Variants in MCPH1 observed in about 807,000 individuals in gnomAD.
MCPH1 encodes microcephalin.
In MCPH1, 104 loss-of-function variants were observed where a neutral mutation model predicts 84.5. The ratio of observed to expected loss-of-function variants is 1.23; its 90% confidence interval spans 1.05 to 1.45. The LOEUF (loss-of-function observed/expected upper bound fraction) is 1.45. MCPH1 is among the 40% of genes most tolerant of loss of function. The probability of loss-of-function intolerance (pLI) is 0.00; values close to 1 mark genes in which losing one functional copy is unlikely to be tolerated. For synonymous variants in MCPH1, 514 were observed against 366.8 expected, an observed-to-expected ratio of 1.40 and a Z score of -4.58; for missense variants, 1,498 against 1,005.7, an observed-to-expected ratio of 1.49 and a Z score of -6.62.
At chr8:6,550,011 G>A (rs559461624) in intron 12 of MCPH1, among the ~76,000 whole-genome samples, 1 of 152,204 alleles carries the variant, frequency 6.6e-6, no homozygotes, top group Non-Finnish European at 1.5e-5. Flanking sequence ...GTGATCATTC[G>A]GGGACGGGGG....
chr8:6,614,727 T>G (rs1025738131), intron 12 of MCPH1, among the ~76,000 whole-genome samples: 14 of 152,346 alleles, frequency 9.2e-5, no homozygotes, highest in Admixed American at 8.5e-4. Flanking sequence ...CCTCAAAACC[T>G]CGACAGCTGA....
intron 12 of MCPH1, among the ~76,000 whole-genome samples, chr8:6,511,159 G>A (rs1036448653): frequency 1.1e-4 from 16 of 152,154 alleles, no homozygotes; most frequent in African/African-American, 3.1e-4. Flanking sequence ...TATTTTTTAT[G>A]AGTCTCTGTT....
At chr8:6,593,723 G>A (rs1259938399) in intron 12 of MCPH1, among the ~76,000 whole-genome samples, 1 of 152,158 alleles carries the variant, frequency 6.6e-6, no homozygotes, top group Non-Finnish European at 1.5e-5. Flanking sequence ...CTTATAAATA[G>A]AGCTTTGAAG....
At chr8:6,509,988 G>C (rs1028946109) in intron 12 of MCPH1, among the ~76,000 whole-genome samples, 5 of 152,128 alleles carry the variant, frequency 3.3e-5, no homozygotes, top group Non-Finnish European at 7.4e-5. Flanking sequence ...AAATCCCAAA[G>C]TGTAGTTTCT....
At chr8:6,506,401 C>T (rs1206925974) in intron 12 of MCPH1, among the ~76,000 whole-genome samples, 1 of 152,086 alleles carries the variant, frequency 6.6e-6, no homozygotes, top group East Asian at 1.9e-4. Flanking sequence ...TTTCCAATTA[C>T]ATTCTCAGTC....
intron 12 of MCPH1, among the ~76,000 whole-genome samples, chr8:6,561,094 A>G (rs1825466926): frequency 1.3e-5 from 2 of 152,238 alleles, no homozygotes; most frequent in South Asian, 4.1e-4. Flanking sequence ...TTTAGGATAT[A>G]GTTTGCCTTC....
At chr8:6,638,504 C>T (rs2129583393) in intron 13 of MCPH1, among the ~76,000 whole-genome samples, 1 of 151,722 alleles carries the variant, frequency 6.6e-6, no homozygotes, top group Admixed American at 6.6e-5. Flanking sequence ...TAAGACCACA[C>T]AGAGCCATGG....
At chr8:6,445,598 G>C (rs1414238535) in intron 8 of MCPH1, 51 bp downstream of exon 8, 1 of 1,524,840 alleles carries the variant, frequency 6.6e-7, no homozygotes, top group Non-Finnish European at 8.8e-7. Context: ...ACATGTAACA[G>C]TGCATCCATA....
chr8:6,633,446 T>C (rs1267794652), intron 13 of MCPH1, among the ~76,000 whole-genome samples: 1 of 152,218 alleles, frequency 6.6e-6, no homozygotes, highest in African/African-American at 2.4e-5. Flanking sequence ...GCTAGCCATG[T>C]AATACAGGTT....
At position 6,505,275 on chromosome 8, in the gene MCPH1, T is replaced by G. The variant is rs377313407; in HGVS notation, c.2214+5346T>G. 3.5e-3 allele frequency among the ~76,000 whole-genome samples: 96 copies of G among 27,060 alleles called. 8 individuals carry two copies. Among genetic ancestry groups the G allele is most frequent in the African/African-American group, 0.012 (68 of 5,888 alleles). 17.8% of individuals were successfully genotyped at this position (27,060 alleles called of 152,430 possible). On this transcript the variant is annotated intron_variant, in intron 12 of 13. Transcript: ENST00000344683. Reference sequence around the variant, plus strand: ...TTTATATATGTTTTATATATATGTATACATATATATGTTATATACATATAT... The same window carrying G: ...TTTATATATGTTTTATATATATGTAGACATATATATGTTATATACATATAT...
In MCPH1 at chr8:6,517,076, A is replaced by G. The variant is rs191801939; in HGVS notation, c.2214+17147A>G. On this transcript the variant is annotated intron_variant, in intron 12 of 13. Transcript: ENST00000344683. ...TAATTGGACTATAAAACTTGCAGAG[A>G]AAGATAGTGTTCAAATAGAGTTATC... Among the ~76,000 whole-genome samples, 79 of 152,342 alleles carry G rather than the reference A, an allele frequency of 5.2e-4. 1 individual carries two copies. The highest frequency in any genetic ancestry group is 6.5e-5 in the Admixed American group (1 of 15,296).
intron 8 of MCPH1, among the ~76,000 whole-genome samples, chr8:6,452,070 T>C (rs1805158586): frequency 6.6e-6 from 1 of 152,204 alleles, no homozygotes; most frequent in African/African-American, 2.4e-5. Context: ...AAGCCAAGTT[T>C]CTCCTACAGT....
chr8:6,580,873 C>G (rs1395174084), intron 12 of MCPH1, among the ~76,000 whole-genome samples: 2 of 152,172 alleles, frequency 1.3e-5, no homozygotes, highest in Non-Finnish European at 1.5e-5. Flanking sequence ...GTTACTGATT[C>G]ATAGTCAATG....
At chr8:6,520,084 A>C in intron 12 of MCPH1, 1 of 1,450,588 alleles carries the variant, frequency 6.9e-7, no homozygotes. Context: ...GAGTTTTATT[A>C]CTTTGGAATT....
intron 12 of MCPH1, among the ~76,000 whole-genome samples, chr8:6,556,098 C>CA (rs1450607297): frequency 1.3e-5 from 2 of 152,084 alleles, no homozygotes; most frequent in Non-Finnish European, 2.9e-5. Flanking sequence ...GAATTGCTGC[C>CA]AAGACTAACC....
chr8:6,525,255 G>A (rs1818119638), intron 12 of MCPH1, among the ~76,000 whole-genome samples: 1 of 152,120 alleles, frequency 6.6e-6, no homozygotes, highest in African/African-American at 2.4e-5. Context: ...CCTGATCGTT[G>A]TAAATTAGTA....
At chr8:6,598,044 G>C (rs904383021) in intron 12 of MCPH1, among the ~76,000 whole-genome samples, 1 of 152,192 alleles carries the variant, frequency 6.6e-6, no homozygotes. Context: ...GCCAACATCA[G>C]CTCAGCGGGC....
At chr8:6,413,338 T>G (rs934258083) in intron 2 of MCPH1, among the ~76,000 whole-genome samples, 5 of 151,918 alleles carry the variant, frequency 3.3e-5, no homozygotes, top group African/African-American at 4.8e-5. Context: ...ATTTTTCCCT[T>G]TCGCCAACCA....
chr8:6,480,103 T>C (rs1477934690), intron 10 of MCPH1, among the ~76,000 whole-genome samples: 1 of 151,590 alleles, frequency 6.6e-6, no homozygotes, highest in East Asian at 1.9e-4. Context: ...GGGGCCTGGT[T>C]CCTTTTTTTC....
Sources: allele counts gnomAD v4.1 joint callset (sites outside exome capture counted in the v4.1 genomes callset), GRCh38; gene constraint gnomAD v4.1.1; transcripts MANE v1.5; gene names NCBI Gene and HGNC (gene_info 2026-07-23, HGNC 2026-07-21).